COG5: variants seen among roughly 807,000 people sequenced by gnomAD.
The protein encoded by COG5 is component of oligomeric golgi complex 5.
In COG5, 86 loss-of-function variants were observed where a neutral mutation model predicts 110.4. The ratio of observed to expected loss-of-function variants is 0.78; its 90% CI spans 0.65 to 0.93. The LOEUF (loss-of-function observed/expected upper bound fraction) is 0.93. Ranked by LOEUF, COG5 falls within the 40% of genes least tolerant of loss-of-function variation. The pLI is 0.00. For synonymous variants in COG5, 360 were observed against 334.6 expected, an observed-to-expected ratio of 1.08 and a Z score of -0.83; for missense variants, 1,077 against 987.0, an observed-to-expected ratio of 1.09 and a Z score of -1.22.
chr7:107,373,941 C>T (rs542097592), intron 7 of COG5, among the ~76,000 whole-genome samples: 66 of 152,178 alleles, frequency 4.3e-4, no homozygotes, highest in Non-Finnish European at 9.3e-4. Context: ...TACACATAAA[C>T]TCACACACAG....
intron 6 of COG5, among the ~76,000 whole-genome samples, chr7:107,430,568 T>C (rs777039527): frequency 8.5e-5 from 13 of 152,228 alleles, no homozygotes; most frequent in Non-Finnish European, 1.8e-4. Context: ...GCTATTCTTT[T>C]TAGAATTTGT....
chr7:107,563,919 T>A lies in COG5; in HGVS notation c.-23A>T. On this transcript the variant is annotated 5_prime_UTR_variant, in exon 1 of 22. Transcript: ENST00000297135. ...CATGTTGGCAGGTGCCGGGTTGATG[T>A]CGTCAGCAGCAGAACGGCTCCGCCC... The A allele has an allele frequency of 1.2e-6, 2 of 1,613,124 alleles. No homozygotes were observed. Among genetic ancestry groups the A allele is most frequent in the South Asian group, 1.1e-5 (1 of 91,034 alleles).
chr7:107,274,954 CT>C (rs146704165), intron 14 of COG5, among the ~76,000 whole-genome samples: 20,513 of 151,966 alleles, frequency 0.13, 1,720 homozygotes, highest in Non-Finnish European at 0.19. Context: ...AGAAAGCTAT[CT>C]TTTTTTCTTC....
chr7:107,329,828 A>G (rs1810093682), intron 10 of COG5, among the ~76,000 whole-genome samples: 1 of 152,168 alleles, frequency 6.6e-6, no homozygotes, highest in Non-Finnish European at 1.5e-5. Context: ...TCAGGAGTTC[A>G]AGGCTGCAGT....
At chr7:107,504,147 T>C (rs968337508) in intron 6 of COG5, among the ~76,000 whole-genome samples, 1 of 152,158 alleles carries the variant, frequency 6.6e-6, no homozygotes, top group Non-Finnish European at 1.5e-5. Context: ...CATATATGGC[T>C]TTTATTAATT....
intron 6 of COG5, among the ~76,000 whole-genome samples, chr7:107,513,511 C>G (rs897975974): frequency 2.4e-4 from 36 of 152,288 alleles, no homozygotes; most frequent in South Asian, 8.3e-4. Flanking sequence ...GGATCTAGAA[C>G]TAGAAATACC....
At position 107,295,101 on chromosome 7, in the gene COG5, A is replaced by ATTT. The variant is rs1186745330; in HGVS notation, c.1313+3038_1313+3040dup. On this transcript the variant is annotated intron_variant, in intron 12 of 21. Coordinates refer to ENST00000297135, the MANE Select transcript of COG5 (RefSeq NM_006348.5). ...TATATATATATATATATATATATAT[A>ATTT]TTTTTTTTTTTTTTTTGTAGAGTCA... 4.9e-3 allele frequency among the ~76,000 whole-genome samples: 224 copies of ATTT among 45,520 alleles called. 9 individuals are homozygous for ATTT. Among genetic ancestry groups the ATTT allele is most frequent in the Non-Finnish European group, 6.1e-3 (157 of 25,886 alleles). 29.9% of individuals were successfully genotyped at this position (45,520 alleles called of 152,430 possible).
At chr7:107,481,382 A>G (rs1436802288) in intron 6 of COG5, among the ~76,000 whole-genome samples, 2 of 152,120 alleles carry the variant, frequency 1.3e-5, no homozygotes, top group Non-Finnish European at 2.9e-5. Context: ...ATTTAATATA[A>G]AATTTTAAAA....
chr7:107,467,553 T>C (rs1381299855), intron 6 of COG5, among the ~76,000 whole-genome samples: 1 of 152,178 alleles, frequency 6.6e-6, no homozygotes, highest in African/African-American at 2.4e-5. Context: ...GGTTTCACCA[T>C]GTTGGCCAGA....
intron 7 of COG5, among the ~76,000 whole-genome samples, chr7:107,403,541 C>T (rs1791593670): frequency 6.6e-6 from 1 of 151,654 alleles, no homozygotes; most frequent in Non-Finnish European, 1.5e-5. Context: ...CCTCCCCTAG[C>T]CCCCTAACCC....
At chr7:107,385,121 G>A (rs1028305130) in intron 7 of COG5, among the ~76,000 whole-genome samples, 6 of 152,142 alleles carry the variant, frequency 3.9e-5, no homozygotes, top group Non-Finnish European at 2.9e-5. Context: ...AAAGCACAGA[G>A]ACACACAGCG....
At chr7:107,439,537 A>T (rs968348710) in intron 6 of COG5, among the ~76,000 whole-genome samples, 1 of 152,078 alleles carries the variant, frequency 6.6e-6, no homozygotes, top group African/African-American at 2.4e-5. Context: ...TATGTAGTAT[A>T]TAGGAAAATA....
chr7:107,237,528 T>C (rs934711442), intron 17 of COG5, among the ~76,000 whole-genome samples: 9 of 152,224 alleles, frequency 5.9e-5, no homozygotes, highest in Admixed American at 2.0e-4. Context: ...TGATGGTCTA[T>C]AGAAGAACAA....
intron 6 of COG5, among the ~76,000 whole-genome samples, chr7:107,414,075 T>C (rs148293924): frequency 1.3e-5 from 2 of 152,200 alleles, no homozygotes; most frequent in East Asian, 3.8e-4. Context: ...ATTTGCACAT[T>C]GAAAGGGTAA....
chr7:107,459,101 C>A (rs1795838303), intron 6 of COG5, among the ~76,000 whole-genome samples: 1 of 151,850 alleles, frequency 6.6e-6, no homozygotes. Flanking sequence ...GTAACCCTAA[C>A]CATATGAAAA....
intron 5 of COG5, among the ~76,000 whole-genome samples, chr7:107,528,093 T>C (rs1800901638): frequency 6.6e-6 from 1 of 151,748 alleles, no homozygotes; most frequent in Admixed American, 6.6e-5. Context: ...ATTTTCCTAA[T>C]CTTTTTTTTT....
chr7:107,450,844 C>T (rs796317180), intron 6 of COG5, among the ~76,000 whole-genome samples: 17 of 152,262 alleles, frequency 1.1e-4, no homozygotes, highest in African/African-American at 4.1e-4. Flanking sequence ...GAAGTCAGTA[C>T]CTTGCCTTAA....
intron 5 of COG5, among the ~76,000 whole-genome samples, chr7:107,531,024 TTTACATTAATCACTTCC>T (rs1801165109): frequency 6.7e-6 from 1 of 150,108 alleles, no homozygotes; most frequent in African/African-American, 2.4e-5. Flanking sequence ...CCACTACTCT[TTTACATTAATCACTTCC>T]TTACTTTTTT....
intron 6 of COG5, among the ~76,000 whole-genome samples, chr7:107,483,876 G>A (rs1270797414): frequency 2.9e-5 from 3 of 102,424 alleles, no homozygotes; most frequent in African/African-American, 1.2e-4. Context: ...AAAATGTCAC[G>A]GGTATGGTTA....
Sources: gnomAD v4.1 joint callset for allele counts (sites outside exome capture counted in the v4.1 genomes callset) on GRCh38, gnomAD v4.1.1 for gene constraint, MANE v1.5 for transcripts, NCBI Gene and HGNC (gene_info 2026-07-23, HGNC 2026-07-21) for gene names.